Variants in NFKBIZ observed in about 807,000 individuals in gnomAD.
NFKBIZ encodes the protein NF-kappa-B inhibitor zeta.
NFKBIZ carries 19 observed loss-of-function variants against 76.8 expected under a neutral mutation model. That is an observed-to-expected ratio of 0.25 (90% CI 0.17 to 0.36). The LOEUF is 0.36. Ranked by LOEUF, NFKBIZ falls within the 10% of genes least tolerant of loss-of-function variation. The pLI is 1.00. For missense variants in NFKBIZ, 829 were observed against 910.9 expected (o/e 0.91, Z 1.16); for synonymous variants, 368 against 354.8 (o/e 1.04, Z -0.42).
At chr3:101,849,005 T>C (rs1942894730), upstream of NFKBIZ, 1 of 152,570 alleles carries the variant, frequency 6.6e-6, no homozygotes, top group Non-Finnish European at 1.5e-5. Context: ...TTAACTGGGC[T>C]AACAGCTCGC....
At chr3:101,857,803 T>C (rs757900897) in intron 11 of NFKBIZ, 1 of 985,210 alleles carries the variant, frequency 1.0e-6, no homozygotes, top group Middle Eastern at 5.2e-4. Context: ...AGTCTTGTAA[T>C]GTATGAGCCT....
chr3:101,830,973 G>C (rs1942639797), intron 2 of NFKBIZ, among the ~76,000 whole-genome samples: 1 of 152,160 alleles, frequency 6.6e-6, no homozygotes, highest in African/African-American at 2.4e-5. Flanking sequence ...CCAACCTCCA[G>C]ATATTTGGAG....
rs1324955272 is a variant in NFKBIZ at position 101,849,574 on chromosome 3, G to A, written c.-55G>A. Reference sequence around the variant, plus strand: ...CTGAGCCAGCCCGGGAGGCAGCCGCGCGCAGCGAGCCGGTGGCGCAGGTGT... The same window carrying A: ...CTGAGCCAGCCCGGGAGGCAGCCGCACGCAGCGAGCCGGTGGCGCAGGTGT... On this transcript the variant is annotated 5_prime_UTR_variant, in exon 1 of 12. Coordinates refer to ENST00000326172, the MANE Select transcript of NFKBIZ (RefSeq NM_031419.4). The A allele has an allele frequency of 4.7e-6, 6 of 1,289,392 alleles. No homozygotes were observed. The East Asian group carries it at 9.5e-5, about 20-fold the overall frequency. 79.9% of individuals were successfully genotyped at this position (1,289,392 alleles called of 1,614,324 possible).
upstream of NFKBIZ, among the ~76,000 whole-genome samples, chr3:101,845,142 C>T (rs1942832002): frequency 1.3e-5 from 2 of 151,902 alleles, no homozygotes; most frequent in East Asian, 3.9e-4. Context: ...GTGGCGGGCA[C>T]CTGTAGTCCC....
At chr3:101,832,295 T>A (rs1942657369) in intron 2 of NFKBIZ, among the ~76,000 whole-genome samples, 1 of 152,132 alleles carries the variant, frequency 6.6e-6, no homozygotes, top group Admixed American at 6.5e-5. Context: ...AAATATATAT[T>A]TTTAAATTGT....
chr3:101,857,495 G>C (rs1209152115), intron 11 of NFKBIZ, 36 bp downstream of exon 11: 1 of 1,611,472 alleles, frequency 6.2e-7, no homozygotes, highest in Admixed American at 1.7e-5. Flanking sequence ...GTATTTTTTG[G>C]CACTGCAGTC....
In NFKBIZ at chr3:101,854,065, A is replaced by G. The variant is rs527645071; in HGVS notation, c.1337+202A>G. 9.2e-5 allele frequency among the ~76,000 whole-genome samples: 14 copies of G among 152,334 alleles called. No homozygotes were observed. The South Asian group carries it at 2.9e-3, about 32-fold the overall frequency. ...TTCCTTCAAAAAATTTTTTGGCTGA[A>G]CAGATAATCTGTTCTAAATTGATAA... On this transcript the variant is annotated intron_variant, in intron 5 of 11. Transcript: ENST00000326172.
intron 1 of NFKBIZ, chr3:101,850,479 C>T (rs1250927681): frequency 6.6e-6 from 1 of 152,116 alleles, no homozygotes; most frequent in Admixed American, 6.5e-5. Context: ...TGGCGAGTTT[C>T]GGAAGTCTGC....
chr3:101,853,235 G>A lies in NFKBIZ; in HGVS notation c.709G>A (p.Val237Ile). Reference protein sequence around the residue: ...CSPVSLNTVQVSWLNPVVVPQ... With the variant: ...CSPVSLNTVQISWLNPVVVPQ... ...CCCCGTTTCCCTGAACACAGTTCAAGTTAGCTGGCTGAACCCCGTGGTGGT... is the reference window on the plus strand; with the variant it reads ...CCCCGTTTCCCTGAACACAGTTCAAATTAGCTGGCTGAACCCCGTGGTGGT... Residue 237 changes from valine to isoleucine, a missense_variant, in exon 5 of 12, where the codon GTT (valine) becomes ATT (isoleucine). Val to Ile is a conservative substitution (Grantham distance 29). This residue lies in a region of NFKBIZ where 371 missense variants were observed against 332.3 expected (regional missense o/e 1.12). Transcript: ENST00000326172. 6.2e-7 allele frequency: 1 copy of A among 1,614,182 alleles called. No individual in the cohort carries two copies. Among genetic ancestry groups the A allele is most frequent in the Non-Finnish European group, 8.5e-7 (1 of 1,180,034 alleles).
chr3:101,854,515 T>C, intron 5 of NFKBIZ, 63 bp from the exon 6 acceptor site: 1 of 1,044,944 alleles, frequency 9.6e-7, no homozygotes, highest in Non-Finnish European at 1.4e-6. Flanking sequence ...TTTTTTTTTT[T>C]TCAAAAGAAC....
chr3:101,847,787 T>C (rs1942873673), upstream of NFKBIZ, among the ~76,000 whole-genome samples: 1 of 152,240 alleles, frequency 6.6e-6, no homozygotes, highest in African/African-American at 2.4e-5. Flanking sequence ...TGGCTGTATT[T>C]ACTTTGGACC....
At chr3:101,840,681 T>G (rs1234901851) in intron 2 of NFKBIZ, among the ~76,000 whole-genome samples, 1 of 152,244 alleles carries the variant, frequency 6.6e-6, no homozygotes, top group African/African-American at 2.4e-5. Context: ...GTAGCATTGC[T>G]GTGATTCAGG....
At chr3:101,829,452 A>G (rs545518024) in intron 1 of NFKBIZ, among the ~76,000 whole-genome samples, 3 of 152,156 alleles carry the variant, frequency 2.0e-5, no homozygotes, top group South Asian at 4.1e-4. Context: ...TCAGAGAGCA[A>G]AACAAACCCT....
intron 2 of NFKBIZ, among the ~76,000 whole-genome samples, chr3:101,841,130 C>T (rs1478575805): frequency 6.6e-6 from 1 of 152,134 alleles, no homozygotes; most frequent in Admixed American, 6.5e-5. Flanking sequence ...GAAATTTCCT[C>T]AATATGGTAT....
intron 2 of NFKBIZ, among the ~76,000 whole-genome samples, chr3:101,835,519 G>C (rs1942708140): frequency 6.6e-6 from 1 of 152,170 alleles, no homozygotes; most frequent in African/African-American, 2.4e-5. Flanking sequence ...TAAGGTGTTG[G>C]CAGGTTTGGT....
intron 2 of NFKBIZ, among the ~76,000 whole-genome samples, chr3:101,834,421 C>T (rs1942688125): frequency 6.6e-6 from 1 of 151,974 alleles, no homozygotes; most frequent in African/African-American, 2.4e-5. Context: ...AGTGCAGTGG[C>T]TCTATCTTGG....
At chr3:101,858,281 C>G (rs997913418) in intron 11 of NFKBIZ, 13 of 968,378 alleles carry the variant, frequency 1.3e-5, no homozygotes, top group Non-Finnish European at 1.6e-5. Context: ...ATTTATAGAG[C>G]TCTTTGTAAT....
At chr3:101,854,783 G>C (rs1327594656) in intron 6 of NFKBIZ, 100 bp downstream of exon 6, 4 of 814,078 alleles carry the variant, frequency 4.9e-6, no homozygotes. Context: ...TCAAGATCAA[G>C]AGAGTTTAGT....
chr3:101,830,270 A>G (rs567967281), intron 2 of NFKBIZ, among the ~76,000 whole-genome samples: 1 of 152,210 alleles, frequency 6.6e-6, no homozygotes, highest in South Asian at 2.1e-4. Flanking sequence ...GCAAGATCTC[A>G]TTTAGCCCTA....
Sources: gnomAD v4.1 joint callset for allele counts (sites outside exome capture counted in the v4.1 genomes callset) on GRCh38, gnomAD v4.1.1 for gene constraint, gnomAD v4.1.1 regional missense constraint, MANE v1.5 for transcripts, NCBI Gene and HGNC (gene_info 2026-07-23, HGNC 2026-07-21) for gene names.